Variants in ZMAT4 observed in about 807,000 individuals in gnomAD.
ZMAT4 encodes zinc finger matrin-type 4.
Under a neutral mutation model 28.7 loss-of-function variants are expected in ZMAT4, and 17 were observed. That is an observed-to-expected ratio of 0.59 (90% CI 0.41 to 0.89). The LOEUF (loss-of-function observed/expected upper bound fraction) is 0.89, where lower values mean the gene tolerates loss of function less well. Ranked by LOEUF, ZMAT4 falls within the 40% of genes least tolerant of loss-of-function variation. The probability of loss-of-function intolerance (pLI) is 0.00; values close to 1 mark genes in which losing one functional copy is unlikely to be tolerated. For synonymous variants in ZMAT4, 117 were observed against 109.2 expected (o/e 1.07, Z -0.44); for missense variants, 240 against 283.8 (o/e 0.85, Z 1.11).
In ZMAT4 at chr8:40,535,829, A is replaced by C. The variant is rs1487192331; in HGVS notation, c.675-3591T>G. ...CCACACTGAATGTAAACTGTTCAAT[A>C]AGCCAGTGAAAAAACAGAGCAGAAC... On this transcript the variant is annotated intron_variant, in intron 6 of 6. Coordinates refer to ENST00000297737, the MANE Select transcript of ZMAT4 (RefSeq NM_024645.3). Among the ~76,000 whole-genome samples, 16 of 152,342 alleles carry C rather than the reference A, an allele frequency of 1.1e-4. No individual in the cohort carries two copies. The East Asian group carries it at 3.1e-3, about 29-fold the overall frequency.
chr8:40,705,011 G>A (rs1810294545), intron 3 of ZMAT4, among the ~76,000 whole-genome samples: 1 of 152,150 alleles, frequency 6.6e-6, no homozygotes, highest in African/African-American at 2.4e-5. Flanking sequence ...TATATGCCCT[G>A]CTGTTTGGAT....
At chr8:40,800,232 C>A (rs567645929) in intron 2 of ZMAT4, among the ~76,000 whole-genome samples, 2 of 152,258 alleles carry the variant, frequency 1.3e-5, no homozygotes, top group South Asian at 4.1e-4. Flanking sequence ...AACAAGGCGT[C>A]AAAACACATG....
At chr8:40,736,561 G>A (rs1563446262) in intron 3 of ZMAT4, among the ~76,000 whole-genome samples, 2 of 152,154 alleles carry the variant, frequency 1.3e-5, no homozygotes, top group Non-Finnish European at 2.9e-5. Flanking sequence ...CTGCCCAGAA[G>A]GCACACAGAG....
chr8:40,777,955 G>C (rs908578385), intron 2 of ZMAT4, among the ~76,000 whole-genome samples: 3 of 152,160 alleles, frequency 2.0e-5, no homozygotes, highest in Non-Finnish European at 2.9e-5. Context: ...GTTATTCTGA[G>C]TGAATCTTCC....
At chr8:40,762,216 A>C (rs1227050099) in intron 3 of ZMAT4, among the ~76,000 whole-genome samples, 1 of 152,182 alleles carries the variant, frequency 6.6e-6, no homozygotes. Context: ...CTCCAAATTC[A>C]TATCAACCTA....
intron 3 of ZMAT4, among the ~76,000 whole-genome samples, chr8:40,763,986 C>CA (rs772771519): frequency 1.2e-3 from 166 of 142,542 alleles, no homozygotes; most frequent in Non-Finnish European, 1.5e-3. Context: ...GTATCACACA[C>CA]ACAAAAAAAA....
In ZMAT4 at chr8:40,591,792, G is replaced by A. The variant is rs138930597; in HGVS notation, c.578-10531C>T. 2.6e-5 allele frequency among the ~76,000 whole-genome samples: 4 copies of A among 152,076 alleles called. No individual in the cohort carries two copies. The South Asian group carries it at 8.3e-4, about 31-fold the overall frequency. ...GAAAGCTTTCCTAAGAGGATGAAAG[G>A]GTTGTTATTATCACAGTTAATCCTC... On this transcript the variant is annotated intron_variant, in intron 5 of 6. Coordinates refer to ENST00000297737, the MANE Select transcript of ZMAT4 (RefSeq NM_024645.3).
At chr8:40,793,063 A>T (rs1814430326) in intron 2 of ZMAT4, among the ~76,000 whole-genome samples, 1 of 152,114 alleles carries the variant, frequency 6.6e-6, no homozygotes, top group Admixed American at 6.5e-5. Context: ...AAGATATAAC[A>T]CAAAGAGTGA....
At chr8:40,588,012 T>C (rs994175713) in intron 5 of ZMAT4, among the ~76,000 whole-genome samples, 2 of 151,936 alleles carry the variant, frequency 1.3e-5, no homozygotes, top group Admixed American at 6.6e-5. Flanking sequence ...ATTAAGAAAA[T>C]ATTTTATAAT....
rs1554523982 is a variant in ZMAT4 at position 40,589,728 on chromosome 8, T to TTC, written c.578-8468_578-8467insGA. On this transcript the variant is annotated intron_variant, in intron 5 of 6. Transcript: ENST00000297737. ...TTCCTTCTTCCTTCTTCCTTCTTCC[T>TTC]TTCCTTTCTTTCTTTCTTTCTTTCT... Among the ~76,000 whole-genome samples the TTC allele has an allele frequency of 3.7e-3, 182 of 49,280 alleles. 2 individuals carry two copies. Among genetic ancestry groups the TTC allele is most frequent in the African/African-American group, 0.011 (169 of 15,158 alleles). The allele number at this position is 49,280 out of a possible 152,430, so 32.3% of individuals were successfully genotyped here.
chr8:40,560,499 A>G (rs6988799), intron 6 of ZMAT4, among the ~76,000 whole-genome samples: 3,412 of 152,004 alleles, frequency 0.022, 111 homozygotes, highest in African/African-American at 0.078. Flanking sequence ...TCCTGGGTAC[A>G]AGTCATCCTA....
chr8:40,886,870 T>C (rs1178599372), intron 1 of ZMAT4, among the ~76,000 whole-genome samples: 1 of 143,112 alleles, frequency 7.0e-6, no homozygotes, highest in Non-Finnish European at 1.6e-5. Context: ...GAATGACTGA[T>C]TTAAAAAGCC....
intron 5 of ZMAT4, among the ~76,000 whole-genome samples, chr8:40,660,449 C>G (rs763557832): frequency 8.5e-5 from 13 of 152,164 alleles, no homozygotes; most frequent in Admixed American, 3.3e-4. Context: ...AAGGAAAGAA[C>G]CATCCCTTTT....
At chr8:40,862,584 T>TGA (rs559881464) in intron 1 of ZMAT4, among the ~76,000 whole-genome samples, 1 of 109,952 alleles carries the variant, frequency 9.1e-6, no homozygotes, top group Non-Finnish European at 1.8e-5. Context: ...AAAAAAAAAT[T>TGA]AAAAAAAAAA....
chr8:40,675,033 G>T, intron 4 of ZMAT4, 102 bp from the exon 5 acceptor site: 2 of 817,536 alleles, frequency 2.4e-6, no homozygotes, highest in Non-Finnish European at 1.9e-6. Context: ...TCACTCTAGA[G>T]CTTAAACATC....
intron 6 of ZMAT4, among the ~76,000 whole-genome samples, chr8:40,536,709 C>T (rs1023631489): frequency 6.6e-6 from 1 of 152,126 alleles, no homozygotes; most frequent in South Asian, 2.1e-4. Flanking sequence ...CCTGCTTCTT[C>T]CAGATCGTGT....
chr8:40,643,403 G>C (rs780955365), intron 5 of ZMAT4, among the ~76,000 whole-genome samples: 3 of 152,138 alleles, frequency 2.0e-5, no homozygotes, highest in Non-Finnish European at 4.4e-5. Flanking sequence ...TATTTCTTTA[G>C]AAATATGTCA....
intron 3 of ZMAT4, among the ~76,000 whole-genome samples, chr8:40,758,308 C>A (rs904398326): frequency 6.6e-6 from 1 of 152,164 alleles, no homozygotes; most frequent in African/African-American, 2.4e-5. Flanking sequence ...TGAAGCCAGT[C>A]CCTCCACAGT....
intron 5 of ZMAT4, among the ~76,000 whole-genome samples, chr8:40,653,786 C>A (rs73677445): frequency 3.9e-5 from 6 of 151,964 alleles, no homozygotes; most frequent in African/African-American, 7.2e-5. Context: ...ATATTTCATA[C>A]AAAAAAAGAG....
Sources: gnomAD v4.1 joint callset for allele counts (sites outside exome capture counted in the v4.1 genomes callset) on GRCh38, gnomAD v4.1.1 for gene constraint, MANE v1.5 for transcripts, NCBI Gene and HGNC (gene_info 2026-07-23, HGNC 2026-07-21) for gene names.